C1orf21: variants seen among roughly 807,000 people sequenced by gnomAD.
The protein encoded by C1orf21 is uncharacterized protein C1orf21.
A neutral mutation model predicts 18.7 loss-of-function variants in C1orf21; 3 were observed. The ratio of observed to expected loss-of-function variants is 0.16; its 90% CI spans 0.07 to 0.42. The LOEUF is 0.42. Ranked by LOEUF, C1orf21 falls within the 10% of genes least tolerant of loss-of-function variation. The pLI, the probability that C1orf21 is intolerant of heterozygous loss-of-function variation, is 0.99. For missense variants in C1orf21, 104 were observed against 143.6 expected, an observed-to-expected ratio of 0.72 and a Z score of 1.41; for synonymous variants, 41 against 46.4, an observed-to-expected ratio of 0.88 and a Z score of 0.47.
chr1:184,515,595 A>G (rs1247536664), intron 3 of C1orf21, among the ~76,000 whole-genome samples: 1 of 152,204 alleles, frequency 6.6e-6, no homozygotes, highest in Non-Finnish European at 1.5e-5. Context: ...TTTGGCAGAT[A>G]AAGGACATTC....
At chr1:184,468,948 A>G (rs572455875) in intron 1 of C1orf21, among the ~76,000 whole-genome samples, 21 of 137,644 alleles carry the variant, frequency 1.5e-4, no homozygotes, top group African/African-American at 5.5e-4. Context: ...CAAAACAAAC[A>G]AAAAGGCCGG....
chr1:184,519,040 C>A (rs1658268947), intron 3 of C1orf21, among the ~76,000 whole-genome samples: 1 of 152,036 alleles, frequency 6.6e-6, no homozygotes, highest in Admixed American at 6.6e-5. Context: ...TTTTTCCTGT[C>A]AGCACATTAA....
chr1:184,483,446 C>T (rs2013889), intron 2 of C1orf21, among the ~76,000 whole-genome samples: 25,093 of 152,174 alleles, frequency 0.16, 2,342 homozygotes, highest in Admixed American at 0.28. Flanking sequence ...TCCTGCAGCC[C>T]GCCCCCAAGT....
intron 5 of C1orf21, among the ~76,000 whole-genome samples, chr1:184,618,070 C>G (rs1659858566): frequency 6.6e-6 from 1 of 151,988 alleles, no homozygotes; most frequent in Admixed American, 6.6e-5. Context: ...CCACCACGCC[C>G]AGCTAGTTTT....
At chr1:184,513,969 C>T (rs1571393871) in intron 3 of C1orf21, among the ~76,000 whole-genome samples, 1 of 152,238 alleles carries the variant, frequency 6.6e-6, no homozygotes, top group East Asian at 1.9e-4. Flanking sequence ...TCAGTGGTTC[C>T]TTGCTTAAAG....
In C1orf21 at chr1:184,623,862, C is replaced by T. The variant is rs970728633; in HGVS notation, c.*4306C>T. ...AATACCTCTGGGACAAACCTTAGGA[C>T]TCACAAGCTATGCCATGTTTTTCAG... On this transcript the variant is annotated 3_prime_UTR_variant, in exon 6 of 6. Transcript: ENST00000235307. 1 of 152,566 alleles carries T rather than the reference C, an allele frequency of 6.6e-6. No individual in the cohort carries two copies. Among genetic ancestry groups the T allele is most frequent in the Non-Finnish European group, 1.5e-5 (1 of 68,028 alleles). The allele number at this position is 152,566 out of a possible 1,614,324, so 9.5% of individuals were successfully genotyped here.
At chr1:184,577,362 A>G (rs1190553049) in intron 3 of C1orf21, among the ~76,000 whole-genome samples, 1 of 152,040 alleles carries the variant, frequency 6.6e-6, no homozygotes, top group Non-Finnish European at 1.5e-5. Flanking sequence ...TAGAAAGGCA[A>G]TGAAACAGGT....
At chr1:184,475,062 C>T (rs1231247360) in intron 1 of C1orf21, among the ~76,000 whole-genome samples, 4 of 152,140 alleles carry the variant, frequency 2.6e-5, no homozygotes, top group Non-Finnish European at 5.9e-5. Flanking sequence ...CAGCAGCCTC[C>T]GGGTTAGAGA....
chr1:184,607,584 A>G (rs973120013), intron 5 of C1orf21, among the ~76,000 whole-genome samples: 3 of 152,006 alleles, frequency 2.0e-5, no homozygotes, highest in Admixed American at 2.0e-4. Flanking sequence ...CAGTTAAGAG[A>G]CATAAACCAA....
intron 1 of C1orf21, among the ~76,000 whole-genome samples, chr1:184,453,782 G>A (rs1394335309): frequency 2.0e-5 from 3 of 152,158 alleles, no homozygotes; most frequent in Admixed American, 2.0e-4. Context: ...ATATTTCACA[G>A]CCTTTGTCTA....
At chr1:184,497,674 AT>A (rs1319043579) in intron 2 of C1orf21, among the ~76,000 whole-genome samples, 3 of 152,316 alleles carry the variant, frequency 2.0e-5, no homozygotes, top group African/African-American at 7.2e-5. Context: ...ATACAAGAGA[AT>A]TACTTGAGCT....
intron 1 of C1orf21, among the ~76,000 whole-genome samples, chr1:184,449,253 T>G (rs3930803): frequency 6.9e-6 from 1 of 144,352 alleles, no homozygotes; most frequent in African/African-American, 2.5e-5. Context: ...CCTGTGTCCA[T>G]GTGTTCTCAT....
At chr1:184,437,223 A>G (rs1429769316) in intron 1 of C1orf21, among the ~76,000 whole-genome samples, 6 of 152,074 alleles carry the variant, frequency 3.9e-5, no homozygotes, top group Non-Finnish European at 5.9e-5. Flanking sequence ...ACAACTGTTC[A>G]TTTCTGGAAA....
intron 1 of C1orf21, among the ~76,000 whole-genome samples, chr1:184,414,109 A>T (rs1656408470): frequency 1.3e-5 from 2 of 152,154 alleles, no homozygotes; most frequent in African/African-American, 4.8e-5. Context: ...CAGAGTTAAG[A>T]GTTGCTCAAT....
intron 3 of C1orf21, among the ~76,000 whole-genome samples, chr1:184,576,169 G>C (rs896979480): frequency 6.6e-6 from 1 of 151,342 alleles, no homozygotes; most frequent in African/African-American, 2.4e-5. Flanking sequence ...CTGTCACCCA[G>C]GCTGGAGTGC....
In C1orf21 at chr1:184,429,688, G is replaced by A. The variant is rs202033613; in HGVS notation, c.-125+42320G>A. ...TAGCATAACCACAAGACAGTGTTGG[G>A]TTTGCCAGGTAATATACAGTATACT... On this transcript the variant is annotated intron_variant, in intron 1 of 5. Coordinates refer to ENST00000235307, the MANE Select transcript of C1orf21 (RefSeq NM_030806.4). Among the ~76,000 whole-genome samples, 282 of 152,004 alleles carry A rather than the reference G, an allele frequency of 1.9e-3. 2 individuals carry two copies. The highest frequency in any genetic ancestry group is 6.8e-3 in the Middle Eastern group (2 of 294).
At chr1:184,597,768 G>A (rs990563059) in intron 4 of C1orf21, among the ~76,000 whole-genome samples, 6 of 152,200 alleles carry the variant, frequency 3.9e-5, no homozygotes, top group African/African-American at 1.4e-4. Flanking sequence ...GTCTCACTAA[G>A]AAGGCTGTTA....
chr1:184,619,837 T>G lies in C1orf21; in HGVS notation c.*281T>G. 1 of 316,204 alleles carries G rather than the reference T, an allele frequency of 3.2e-6. No individual in the cohort carries two copies. Among genetic ancestry groups the G allele is most frequent in the East Asian group, 6.6e-5 (1 of 15,050 alleles). 19.6% of individuals were successfully genotyped at this position (316,204 alleles called of 1,614,324 possible). On this transcript the variant is annotated 3_prime_UTR_variant, in exon 6 of 6. Transcript: ENST00000235307. ...TCTTGTGTCCAGGTATGCAGCAAAA[T>G]TCTGCAATTTCACCTTAAAGATACT... is the stretch of plus-strand genomic sequence containing the variant.
At chr1:184,505,986 A>G (rs2101963218) in intron 2 of C1orf21, among the ~76,000 whole-genome samples, 1 of 152,078 alleles carries the variant, frequency 6.6e-6, no homozygotes, top group South Asian at 2.1e-4. Context: ...ATCCTTCATC[A>G]AATTTGTCAG....
Sources: allele counts gnomAD v4.1 joint callset (sites outside exome capture counted in the v4.1 genomes callset), GRCh38; gene constraint gnomAD v4.1.1; transcripts MANE v1.5; gene names NCBI Gene and HGNC (gene_info 2026-07-23, HGNC 2026-07-21).